Variants in SCRN1 observed in about 807,000 individuals in gnomAD.
The protein encoded by SCRN1 is secernin 1.
In SCRN1, 19 loss-of-function variants were observed where a neutral mutation model predicts 43.3. The ratio of observed to expected loss-of-function variants is 0.44; its 90% CI spans 0.31 to 0.64. The LOEUF (loss-of-function observed/expected upper bound fraction) is 0.64, where lower values mean the gene tolerates loss of function less well. SCRN1 is among the 30% of genes least tolerant of loss of function. The pLI is 0.09. For missense variants in SCRN1, 447 were observed against 524.1 expected, an observed-to-expected ratio of 0.85 and a Z score of 1.44; for synonymous variants, 183 against 188.9, an observed-to-expected ratio of 0.97 and a Z score of 0.26.
intron 3 of SCRN1, among the ~76,000 whole-genome samples, chr7:29,952,913 C>T (rs546495892): frequency 2.0e-5 from 3 of 152,330 alleles, no homozygotes; most frequent in African/African-American, 4.8e-5. Context: ...ATTACAATAG[C>T]TGGACATGGC....
intron 2 of SCRN1, among the ~76,000 whole-genome samples, chr7:29,964,671 G>A (rs931274120): frequency 3.3e-5 from 5 of 152,082 alleles, no homozygotes; most frequent in African/African-American, 4.8e-5. Flanking sequence ...GGCCGGGCTC[G>A]GTGGCTCACA....
rs1786754217 is a variant in SCRN1 at position 29,921,451 on chromosome 7, T to G, written c.*2506A>C. 1 of 152,226 alleles carries G rather than the reference T, an allele frequency of 6.6e-6. No individual in the cohort carries two copies. The highest frequency in any genetic ancestry group is 2.4e-5 in the African/African-American group (1 of 41,452). The allele number at this position is 152,226 out of a possible 1,614,324, so 9.4% of individuals were successfully genotyped here. A position where few individuals can be genotyped will look rare whatever the true frequency, so the allele number is the denominator to read the frequency against. On this transcript the variant is annotated 3_prime_UTR_variant, in exon 8 of 8. Coordinates refer to ENST00000242059, the MANE Select transcript of SCRN1 (RefSeq NM_014766.5). ...ATTTCCAGCTGTTAATATAAGTACATAAAGTCACTAAAAGTAAGCGCAGCC... is the reference window on the plus strand; with the variant it reads ...ATTTCCAGCTGTTAATATAAGTACAGAAAGTCACTAAAAGTAAGCGCAGCC...
At position 29,974,688 on chromosome 7, in the gene SCRN1, T is replaced by TC. The variant is rs926924148; in HGVS notation, c.-1-5621_-1-5620insG. 1.5e-4 allele frequency among the ~76,000 whole-genome samples: 23 copies of TC among 148,908 alleles called. No homozygotes were observed. The East Asian group carries it at 3.1e-3, about 20-fold the overall frequency. ...TTACACGATTCTTTCTTTCTTTCTT[T>TC]TTTTTTTTTTTTTGAGATGGAGACT... On this transcript the variant is annotated intron_variant, in intron 1 of 7. Coordinates refer to ENST00000242059, the MANE Select transcript of SCRN1 (RefSeq NM_014766.5).
In SCRN1 at chr7:29,969,434, A is replaced by T. The variant is rs192971532; in HGVS notation, c.-1-366T>A. ...ATCTGTTCACAGTAATAAAATAATA[A>T]ATAAACATACCTTAAAACTAACTAC... On this transcript the variant is annotated intron_variant, in intron 1 of 7. Coordinates refer to ENST00000242059, the MANE Select transcript of SCRN1 (RefSeq NM_014766.5). 8.5e-5 allele frequency among the ~76,000 whole-genome samples: 13 copies of T among 152,324 alleles called. No homozygotes were observed. The East Asian group carries it at 2.5e-3, about 29-fold the overall frequency.
chr7:29,940,402 A>G (rs1787498403), intron 5 of SCRN1, among the ~76,000 whole-genome samples: 1 of 152,198 alleles, frequency 6.6e-6, no homozygotes, highest in South Asian at 2.1e-4. Flanking sequence ...GGATGGCTGC[A>G]GTAAGCATTA....
At chr7:29,958,904 C>CT (rs1305222075) in intron 2 of SCRN1, among the ~76,000 whole-genome samples, 8 of 152,340 alleles carry the variant, frequency 5.3e-5, no homozygotes, top group Admixed American at 1.3e-4. Flanking sequence ...AAGGATCCGC[C>CT]TGTCCTGAGC....
rs575704293 is a variant in SCRN1, at chr7:29,955,431, A to C, written c.160-71T>G. On this transcript the variant is annotated intron_variant, in intron 2 of 7. Transcript: ENST00000242059. The stretch of plus-strand genomic sequence containing the variant: ...CCACCTCATTTCTGCCTGGGTACTT[A>C]TACTGAACCATCATATTAGTTACAA... The C allele has an allele frequency of 3.4e-5, 48 of 1,403,932 alleles. No individual in the cohort carries two copies. The African/African-American group carries it at 5.4e-4, about 16-fold the overall frequency. 87.0% of individuals were successfully genotyped at this position (1,403,932 alleles called of 1,614,324 possible). A position where few individuals can be genotyped will look rare whatever the true frequency, so the allele number is the denominator to read the frequency against.
At chr7:29,942,436 G>C (rs1787587978) in intron 4 of SCRN1, among the ~76,000 whole-genome samples, 2 of 152,192 alleles carry the variant, frequency 1.3e-5, no homozygotes. Flanking sequence ...ACATTTTGAA[G>C]AGACGCTCAG....
At chr7:29,990,186 T>A (rs1789327472), upstream of SCRN1, 1 of 1,551,712 alleles carries the variant, frequency 6.4e-7, no homozygotes, top group Non-Finnish European at 8.7e-7. Context: ...CTGTACCTTG[T>A]TGACTCGCAC....
intron 7 of SCRN1, among the ~76,000 whole-genome samples, chr7:29,924,890 C>T (rs1488397925): frequency 1.3e-5 from 2 of 152,168 alleles, no homozygotes; most frequent in East Asian, 1.9e-4. Flanking sequence ...TCTCACCACC[C>T]GCCCACCACT....
At chr7:29,978,314 A>G (rs1014726406) in intron 1 of SCRN1, among the ~76,000 whole-genome samples, 4 of 152,068 alleles carry the variant, frequency 2.6e-5, no homozygotes, top group Non-Finnish European at 4.4e-5. Context: ...TCTGCTAAAA[A>G]CTCAAAGATC....
chr7:29,956,590 C>G (rs1418977032), intron 2 of SCRN1, among the ~76,000 whole-genome samples: 1 of 152,196 alleles, frequency 6.6e-6, no homozygotes, highest in African/African-American at 2.4e-5. Flanking sequence ...TTCCCATAAT[C>G]GCTAAACCTC....
At position 29,926,553 on chromosome 7, in the gene SCRN1, C is replaced by T. The variant is rs749625329; in HGVS notation, c.985G>A (p.Asp329Asn). The T allele has an allele frequency of 3.0e-5, 48 of 1,613,972 alleles. No homozygotes were observed. Among genetic ancestry groups the T allele is most frequent in the Non-Finnish European group, 3.8e-5 (45 of 1,180,046 alleles). ...KTQSPCFGDD[D>N]PAKKEPRFQE... ...AACCGAGGCTCCTTTTTGGCAGGGT[C>T]GTCATCCCCAAAACAGGGAGACTGT... Residue 329 changes from aspartate to asparagine, a missense_variant, in exon 7 of 8, where the codon GAC (aspartate) becomes AAC (asparagine). Asp to Asn is a conservative substitution (Grantham distance 23). Transcript: ENST00000242059.
chr7:29,980,351 G>C (rs979503229), intron 1 of SCRN1, among the ~76,000 whole-genome samples: 1 of 152,160 alleles, frequency 6.6e-6, no homozygotes, highest in African/African-American at 2.4e-5. Context: ...ATTTCCTTCT[G>C]TTCTTATTTT....
rs1018466985 is a variant in SCRN1, at chr7:29,922,148, C to CTCT, written c.*1806_*1808dup. 4 of 152,172 alleles carry CTCT rather than the reference C, an allele frequency of 2.6e-5. No individual in the cohort carries two copies. Among genetic ancestry groups the CTCT allele is most frequent in the African/African-American group, 4.8e-5 (2 of 41,438 alleles). The allele number at this position is 152,172 out of a possible 1,614,324, so 9.4% of individuals were successfully genotyped here. Reference sequence around the variant, plus strand: ...AAGCCCAGGCCAAACCTGCGTGAAGCTCTTAGCAGCTACAGGCCACCATTA... The same window carrying CTCT: ...AAGCCCAGGCCAAACCTGCGTGAAGCTCTTCTTAGCAGCTACAGGCCACCATTA... On this transcript the variant is annotated 3_prime_UTR_variant, in exon 8 of 8. Transcript: ENST00000242059.
intron 6 of SCRN1, among the ~76,000 whole-genome samples, chr7:29,932,251 C>T (rs562692747): frequency 6.6e-6 from 1 of 152,290 alleles, no homozygotes; most frequent in African/African-American, 2.4e-5. Flanking sequence ...GCAGGCTGTG[C>T]CCCACGTGGC....
chr7:29,989,686 G>C lies in SCRN1; in HGVS notation c.-46C>G. ...GCTCCGCTCTCCGCTCTGCGGTGCT[G>C]AGGCTGCGGCCGCCGAGGGTGCGGG... On this transcript the variant is annotated 5_prime_UTR_variant, in exon 1 of 8. Transcript: ENST00000242059. 1 of 985,746 alleles carries C rather than the reference G, an allele frequency of 1.0e-6. No homozygotes were observed. Among genetic ancestry groups the C allele is most frequent in the Non-Finnish European group, 1.2e-6 (1 of 830,192 alleles). 61.1% of individuals were successfully genotyped at this position (985,746 alleles called of 1,614,324 possible). A position where few individuals can be genotyped will look rare whatever the true frequency, so the allele number is the denominator to read the frequency against.
At chr7:29,964,986 CTCA>C (rs934242140) in intron 2 of SCRN1, among the ~76,000 whole-genome samples, 2 of 151,918 alleles carry the variant, frequency 1.3e-5, no homozygotes, top group African/African-American at 4.8e-5. Context: ...TCAATATTGG[CTCA>C]TCAGTTGTAG....
rs1004100581 is a variant in SCRN1, at chr7:29,929,350, C to T, written c.906-2718G>A. Among the ~76,000 whole-genome samples, 6 of 152,360 alleles carry T rather than the reference C, an allele frequency of 3.9e-5. No individual in the cohort carries two copies. The South Asian group carries it at 8.3e-4, about 21-fold the overall frequency. On this transcript the variant is annotated intron_variant, in intron 6 of 7. Coordinates refer to ENST00000242059, the MANE Select transcript of SCRN1 (RefSeq NM_014766.5). ...CTGGCAGGCAAGGGAACTGCGACCA[C>T]GCCCTCCTGCGGAGCCTACTGAGCA...
Sources: allele counts gnomAD v4.1 joint callset (sites outside exome capture counted in the v4.1 genomes callset), GRCh38; gene constraint gnomAD v4.1.1; transcripts MANE v1.5; gene names NCBI Gene and HGNC (gene_info 2026-07-23, HGNC 2026-07-21).